The following CNTN5 variants were observed in gnomAD, a reference collection of about 807,000 sequenced individuals.
The protein encoded by CNTN5 is contactin-5.
A neutral mutation model predicts 129.1 loss-of-function variants in CNTN5; 77 were observed. The ratio of observed to expected loss-of-function variants is 0.60; its 90% CI spans 0.50 to 0.72. The LOEUF is 0.72. Among genes scored for constraint, CNTN5 ranks in the 30% least tolerant of loss-of-function variants. The probability of loss-of-function intolerance (pLI) is 0.00; values close to 1 mark genes in which losing one functional copy is unlikely to be tolerated. For synonymous variants in CNTN5, 509 were observed against 465.6 expected (o/e 1.09, Z -1.20); for missense variants, 1,478 against 1,328.8 (o/e 1.11, Z -1.75).
intron 8 of CNTN5, among the ~76,000 whole-genome samples, chr11:99,996,237 T>C (rs576617026): frequency 6.6e-6 from 1 of 152,282 alleles, no homozygotes; most frequent in East Asian, 1.9e-4. Context: ...TTTATTACTA[T>C]TATTACAGCT....
chr11:99,106,412 A>C (rs767768460), intron 1 of CNTN5, among the ~76,000 whole-genome samples: 16 of 151,990 alleles, frequency 1.1e-4, no homozygotes, highest in Non-Finnish European at 1.8e-4. Flanking sequence ...AAAAATTATG[A>C]ATATGTGAAC....
chr11:99,286,553 A>C (rs1347865962), intron 1 of CNTN5, among the ~76,000 whole-genome samples: 1 of 152,218 alleles, frequency 6.6e-6, no homozygotes, highest in Non-Finnish European at 1.5e-5. Context: ...TTAAGAAATC[A>C]TTTAAACTCA....
intron 1 of CNTN5, among the ~76,000 whole-genome samples, chr11:99,186,017 G>T (rs1239473916): frequency 6.6e-6 from 1 of 151,686 alleles, no homozygotes; most frequent in South Asian, 2.1e-4. Context: ...AAAGGTTTAT[G>T]AATATATCAA....
intron 1 of CNTN5, among the ~76,000 whole-genome samples, chr11:99,061,942 C>A (rs904414486): frequency 6.6e-6 from 1 of 151,100 alleles, no homozygotes; most frequent in Admixed American, 6.6e-5. Flanking sequence ...CAGTGAGCTA[C>A]GGTTGCACTA....
At chr11:99,939,115 C>T (rs1173555373) in intron 7 of CNTN5, among the ~76,000 whole-genome samples, 2 of 151,972 alleles carry the variant, frequency 1.3e-5, no homozygotes, top group Non-Finnish European at 2.9e-5. Flanking sequence ...AAGATGAACT[C>T]ATAAGTCAAC....
intron 9 of CNTN5, among the ~76,000 whole-genome samples, chr11:100,028,124 C>T (rs1941520279): frequency 6.6e-6 from 1 of 151,922 alleles, no homozygotes. Flanking sequence ...TTGACAGAAT[C>T]CTTTCTCAGA....
chr11:99,523,658 A>T (rs12808588), intron 2 of CNTN5, among the ~76,000 whole-genome samples: 1,718 of 78,128 alleles, frequency 0.022, 61 homozygotes, highest in Admixed American at 0.071. Context: ...ATAGAACAGA[A>T]CAGATCAGAA....
intron 4 of CNTN5, among the ~76,000 whole-genome samples, chr11:99,841,484 G>C (rs941049675): frequency 6.6e-6 from 1 of 151,922 alleles, no homozygotes; most frequent in African/African-American, 2.4e-5. Flanking sequence ...AATTAGAAAT[G>C]ACTATGATAC....
intron 3 of CNTN5, among the ~76,000 whole-genome samples, chr11:99,760,824 A>T (rs943387837): frequency 6.6e-6 from 1 of 152,136 alleles, no homozygotes; most frequent in South Asian, 2.1e-4. Flanking sequence ...AAATATTACT[A>T]TTTATTACAC....
At chr11:99,721,588 T>C (rs888959567) in intron 3 of CNTN5, among the ~76,000 whole-genome samples, 1 of 151,962 alleles carries the variant, frequency 6.6e-6, no homozygotes, top group Non-Finnish European at 1.5e-5. Flanking sequence ...GATTTCATGA[T>C]GAAGACACCA....
At chr11:99,851,634 T>C (rs572980861) in intron 6 of CNTN5, among the ~76,000 whole-genome samples, 2 of 152,354 alleles carry the variant, frequency 1.3e-5, no homozygotes, top group African/African-American at 2.4e-5. Flanking sequence ...AAAATACCTT[T>C]ATATGCAATT....
intron 7 of CNTN5, among the ~76,000 whole-genome samples, chr11:99,919,651 G>T (rs1949886221): frequency 6.6e-6 from 1 of 151,962 alleles, no homozygotes; most frequent in Non-Finnish European, 1.5e-5. Flanking sequence ...AGTTCAATGA[G>T]TTTTGGTACA....
intron 13 of CNTN5, among the ~76,000 whole-genome samples, chr11:100,183,618 G>T (rs540996789): frequency 6.6e-6 from 1 of 152,070 alleles, no homozygotes; most frequent in Non-Finnish European, 1.5e-5. Context: ...ACAACGATGG[G>T]GTTAGAAGGG....
chr11:99,708,074 C>T lies in CNTN5; in HGVS notation c.56-111470C>T, dbSNP rs907327045. On this transcript the variant is annotated intron_variant, in intron 3 of 24. Transcript: ENST00000524871. ...TAAAAAGTTGAAATATGGACATGAG[C>T]GACCTTCAGAGGTCAAACCTTAAAA... 2.7e-4 allele frequency among the ~76,000 whole-genome samples: 41 copies of T among 151,684 alleles called. 1 individual carries two copies. The highest frequency in any genetic ancestry group is 1.2e-3 in the Admixed American group (18 of 15,152).
chr11:100,259,315 A>C (rs915527328), intron 17 of CNTN5, among the ~76,000 whole-genome samples: 3 of 152,186 alleles, frequency 2.0e-5, no homozygotes, highest in Non-Finnish European at 4.4e-5. Flanking sequence ...AGAGATCTAC[A>C]AAGAGACTTA....
At chr11:99,373,669 C>T (rs993240186) in intron 2 of CNTN5, among the ~76,000 whole-genome samples, 3 of 139,148 alleles carry the variant, frequency 2.2e-5, no homozygotes, top group East Asian at 2.1e-4. Context: ...GCTGAGATAG[C>T]GCCACTGCAT....
At chr11:99,645,903 A>T (rs1951942753) in intron 3 of CNTN5, among the ~76,000 whole-genome samples, 1 of 152,146 alleles carries the variant, frequency 6.6e-6, no homozygotes, top group Non-Finnish European at 1.5e-5. Context: ...TATGTAACAA[A>T]CCTGCAAGTT....
At chr11:99,958,678 C>T (rs1359900399) in intron 8 of CNTN5, among the ~76,000 whole-genome samples, 4 of 152,164 alleles carry the variant, frequency 2.6e-5, no homozygotes, top group South Asian at 2.1e-4. Flanking sequence ...TGCAGTTTTA[C>T]AGTTTATCTA....
At chr11:99,621,287 G>A (rs2135763911) in intron 3 of CNTN5, among the ~76,000 whole-genome samples, 1 of 152,266 alleles carries the variant, frequency 6.6e-6, no homozygotes, top group African/African-American at 2.4e-5. Flanking sequence ...TAATGATGTG[G>A]AAAAGCCTGG....
Sources: allele counts gnomAD v4.1 joint callset (sites outside exome capture counted in the v4.1 genomes callset), GRCh38; gene constraint gnomAD v4.1.1; transcripts MANE v1.5; gene names NCBI Gene and HGNC (gene_info 2026-07-23, HGNC 2026-07-21).